The following IL12RB2 variants were observed in gnomAD, a reference collection of about 807,000 sequenced individuals.
IL12RB2 encodes the protein interleukin 12 receptor subunit beta 2, also known as interleukin-12 receptor subunit beta-2.
Under a neutral mutation model 89.4 loss-of-function variants are expected in IL12RB2, and 82 were observed. That is an observed-to-expected ratio of 0.92 (90% CI 0.77 to 1.10). The LOEUF (loss-of-function observed/expected upper bound fraction) is 1.10, where lower values mean the gene tolerates loss of function less well. Ranked by LOEUF, IL12RB2 falls within the 50% of genes least tolerant of loss-of-function variation. The probability of loss-of-function intolerance (pLI) is 0.00; values close to 1 mark genes in which losing one functional copy is unlikely to be tolerated. For missense variants in IL12RB2, 963 were observed against 1,031.9 expected, an observed-to-expected ratio of 0.93 and a Z score of 0.92; for synonymous variants, 368 against 370.1, an observed-to-expected ratio of 0.99 and a Z score of 0.07.
chr1:67,334,937 G>A (rs1036769442), intron 8 of IL12RB2, among the ~76,000 whole-genome samples: 1 of 152,078 alleles, frequency 6.6e-6, no homozygotes, highest in Non-Finnish European at 1.5e-5. Context: ...TTTTGCTTGA[G>A]GCTTGAGAAT....
intron 14 of IL12RB2, among the ~76,000 whole-genome samples, chr1:67,382,963 T>A (rs2101089386): frequency 6.6e-6 from 1 of 152,328 alleles, no homozygotes; most frequent in Admixed American, 6.5e-5. Context: ...GCTACACTGC[T>A]GTGGACATTG....
chr1:67,381,849 G>A (rs984133846), intron 14 of IL12RB2, among the ~76,000 whole-genome samples: 4 of 151,686 alleles, frequency 2.6e-5, no homozygotes, highest in Admixed American at 6.6e-5. Flanking sequence ...AGGTGGGAGC[G>A]GTGGTACATG....
In IL12RB2 at chr1:67,395,731, T is replaced by C. The variant is rs1436880686; in HGVS notation, c.2231T>C (p.Met744Thr). 5.0e-6 allele frequency: 8 copies of C among 1,614,038 alleles called. No individual in the cohort carries two copies. The highest frequency in any genetic ancestry group is 4.4e-5 in the South Asian group (4 of 91,086). Residue 744 changes from methionine (M) to threonine (T), a missense_variant, in exon 17 of 17, where the codon ATG (methionine) becomes ACG (threonine). Physicochemically the swap from Met to Thr is moderately conservative, Grantham distance 81. Coordinates refer to ENST00000674203, the MANE Select transcript of IL12RB2 (RefSeq NM_001374259.2). ...QGHQASEKDMMHSASSPPPPR... is the reference protein window; with the variant it reads ...QGHQASEKDMTHSASSPPPPR... Reference sequence around the variant, plus strand: ...CATCAGGCCTCTGAGAAAGACATGATGCACAGTGCCTCAAGCCCACCACCT... The same window carrying C: ...CATCAGGCCTCTGAGAAAGACATGACGCACAGTGCCTCAAGCCCACCACCT...
chr1:67,361,108 C>CA (rs1169335588), intron 10 of IL12RB2, among the ~76,000 whole-genome samples: 1 of 152,120 alleles, frequency 6.6e-6, no homozygotes, highest in African/African-American at 2.4e-5. Flanking sequence ...CACAGCCTCA[C>CA]AAAAAGACTG....
At chr1:67,337,326 G>C (rs1043479936) in intron 8 of IL12RB2, among the ~76,000 whole-genome samples, 1 of 152,158 alleles carries the variant, frequency 6.6e-6, no homozygotes, top group Non-Finnish European at 1.5e-5. Context: ...AAATTAGCTT[G>C]GTGCAGCTGA....
At chr1:67,381,137 A>G (rs146266705) in intron 14 of IL12RB2, among the ~76,000 whole-genome samples, 39 of 152,284 alleles carry the variant, frequency 2.6e-4, no homozygotes, top group Middle Eastern at 3.4e-3. Flanking sequence ...CCTTTTTTAA[A>G]GTGAGGGGAC....
At chr1:67,309,084 A>G (rs940802793) in intron 1 of IL12RB2, among the ~76,000 whole-genome samples, 2 of 152,004 alleles carry the variant, frequency 1.3e-5, no homozygotes, top group Non-Finnish European at 2.9e-5. Context: ...ACACATATAT[A>G]TATAAAGAAT....
At chr1:67,326,617 T>C (rs191510687) in intron 4 of IL12RB2, 118 bp from the exon 5 acceptor site, 1 of 1,481,112 alleles carries the variant, frequency 6.8e-7, no homozygotes, top group Admixed American at 2.0e-5. Flanking sequence ...AAATAGCTTC[T>C]AGTTTACCTG....
chr1:67,386,101 C>T (rs989101354), intron 14 of IL12RB2, among the ~76,000 whole-genome samples: 8 of 141,640 alleles, frequency 5.6e-5, no homozygotes, highest in Non-Finnish European at 7.6e-5. Context: ...CCCAGCTGCT[C>T]GGGAGGCTGA....
intron 2 of IL12RB2, among the ~76,000 whole-genome samples, chr1:67,315,877 G>A (rs1042184654): frequency 3.9e-5 from 6 of 152,206 alleles, no homozygotes; most frequent in African/African-American, 1.4e-4. Context: ...CAGCAGGGAA[G>A]TCAAAGTGAT....
At chr1:67,318,225 A>G (rs1048762110) in intron 2 of IL12RB2, among the ~76,000 whole-genome samples, 3 of 152,348 alleles carry the variant, frequency 2.0e-5, no homozygotes, top group South Asian at 4.1e-4. Context: ...GTAAGCGATG[A>G]TGGCAAGATG....
At chr1:67,315,541 ATCCTCCTAGGGTCT>A (rs1191157809) in intron 2 of IL12RB2, among the ~76,000 whole-genome samples, 1 of 152,230 alleles carries the variant, frequency 6.6e-6, no homozygotes, top group Non-Finnish European at 1.5e-5. Context: ...ACTCCGCTCC[ATCCTCCTAGGGTCT>A]TGGTTGAGTC....
At chr1:67,343,811 G>A (rs1659927155) in intron 9 of IL12RB2, among the ~76,000 whole-genome samples, 1 of 152,130 alleles carries the variant, frequency 6.6e-6, no homozygotes, top group African/African-American at 2.4e-5. Context: ...TCATTATCTT[G>A]ATCATAGCAA....
chr1:67,313,014 A>G (rs566815652), intron 1 of IL12RB2, among the ~76,000 whole-genome samples: 9 of 152,382 alleles, frequency 5.9e-5, no homozygotes, highest in Non-Finnish European at 1.0e-4. Flanking sequence ...GACATTATGA[A>G]TGGGGCCGGT....
intron 14 of IL12RB2, among the ~76,000 whole-genome samples, chr1:67,380,604 C>T (rs1557468845): frequency 6.6e-6 from 1 of 152,198 alleles, no homozygotes; most frequent in Non-Finnish European, 1.5e-5. Flanking sequence ...CATTAATTTG[C>T]TGGGGCTGCT....
Position 67,313,952 on chromosome 1 carries a change from T to C in IL12RB2, c.-85T>C, listed in dbSNP as rs1464160590. The C allele has an allele frequency of 6.6e-6, 1 of 152,228 alleles. No individual in the cohort carries two copies. Among genetic ancestry groups the C allele is most frequent in the African/African-American group, 2.4e-5 (1 of 41,460 alleles). The allele number at this position is 152,228 out of a possible 1,614,324, so 9.4% of individuals were successfully genotyped here. ...TTTGTAAAGTCGGGAATAAATGACC[T>C]CTGAAGTGTTGTCTGTATATTGATC... On this transcript the variant is annotated 5_prime_UTR_variant, in exon 2 of 17. Transcript: ENST00000674203.
chr1:67,319,945 C>T lies in IL12RB2; in HGVS notation c.-36-388C>T, dbSNP rs80347704. ...CAGCAAGAAGGCCCCATCTATGAACCGTCTATGAAGTGGACCCTCACCAGA... is the reference window on the plus strand; with the variant it reads ...CAGCAAGAAGGCCCCATCTATGAACTGTCTATGAAGTGGACCCTCACCAGA... On this transcript the variant is annotated intron_variant, in intron 2 of 16. Transcript: ENST00000674203. Among the ~76,000 whole-genome samples the T allele has an allele frequency of 8.7e-4, 132 of 152,232 alleles. 1 individual carries two copies. Among genetic ancestry groups the T allele is most frequent in the African/African-American group, 3.2e-3 (131 of 41,524 alleles).
At chr1:67,323,596 C>T (rs1236092261) in intron 4 of IL12RB2, among the ~76,000 whole-genome samples, 1 of 152,132 alleles carries the variant, frequency 6.6e-6, no homozygotes. Context: ...AGAGTCCTGA[C>T]TACAAACTCT....
At chr1:67,326,554 T>A (rs1336525709) in intron 4 of IL12RB2, among the ~76,000 whole-genome samples, 181 bp from the exon 5 acceptor site, 1 of 152,192 alleles carries the variant, frequency 6.6e-6, no homozygotes, top group Non-Finnish European at 1.5e-5. Context: ...ATTATTACTG[T>A]TTCTAGGAGA....
Sources: gnomAD v4.1 joint callset for allele counts (sites outside exome capture counted in the v4.1 genomes callset) on GRCh38, gnomAD v4.1.1 for gene constraint, MANE v1.5 for transcripts, NCBI Gene and HGNC (gene_info 2026-07-23, HGNC 2026-07-21) for gene names.